The following GK5 variants were observed in gnomAD, a reference collection of about 807,000 sequenced individuals.
GK5 encodes glycerol kinase 5.
Under a neutral mutation model 77.3 loss-of-function variants are expected in GK5, and 39 were observed. That is an observed-to-expected ratio of 0.50 (90% CI 0.39 to 0.66). The LOEUF (loss-of-function observed/expected upper bound fraction) is 0.66. Ranked by LOEUF, GK5 falls within the 30% of genes least tolerant of loss-of-function variation. GK5 has a pLI of 0.00. For synonymous variants in GK5, 211 were observed against 208.0 expected, an observed-to-expected ratio of 1.01 and a Z score of -0.13; for missense variants, 487 against 633.8, an observed-to-expected ratio of 0.77 and a Z score of 2.49.
intron 5 of GK5, among the ~76,000 whole-genome samples, chr3:142,193,084 G>C (rs1175725495): frequency 5.3e-5 from 8 of 152,046 alleles, no homozygotes; most frequent in Non-Finnish European, 1.0e-4. Context: ...TGCAATGGTA[G>C]ATACATTACA....
chr3:142,213,874 G>C (rs1446662041), intron 2 of GK5, among the ~76,000 whole-genome samples: 1 of 152,190 alleles, frequency 6.6e-6, no homozygotes, highest in African/African-American at 2.4e-5. Context: ...CCAGGCTGCA[G>C]TGCAGTGGCA....
intron 12 of GK5, among the ~76,000 whole-genome samples, chr3:142,175,492 C>T (rs2063597015): frequency 6.6e-6 from 1 of 152,112 alleles, no homozygotes; most frequent in African/African-American, 2.4e-5. Context: ...ATACATAAAC[C>T]TTCCTTCCTT....
rs2063430100 is a variant in GK5, at chr3:142,162,108, T to C, written c.*3514A>G. The C allele has an allele frequency of 6.6e-6, 1 of 152,298 alleles. No homozygotes were observed. Among genetic ancestry groups the C allele is most frequent in the East Asian group, 1.9e-4 (1 of 5,180 alleles). The allele number at this position is 152,298 out of a possible 1,614,324, so 9.4% of individuals were successfully genotyped here. A position where few individuals can be genotyped will look rare whatever the true frequency, so the allele number is the denominator to read the frequency against. ...AGCCACTGTGCCCAGCTGAGATTTA[T>C]TTTTTCTTTATTAATCAGCAAAATA... On this transcript the variant is annotated 3_prime_UTR_variant, in exon 16 of 16. Transcript: ENST00000392993.
intron 11 of GK5, 64 bp downstream of exon 11, chr3:142,181,397 A>G (rs2063695533): frequency 4.5e-6 from 4 of 887,556 alleles, no homozygotes; most frequent in Non-Finnish European, 7.1e-6. Context: ...ACTAATCTGC[A>G]ATCCTGTGGC....
At chr3:142,202,394 G>A (rs2064039282) in intron 4 of GK5, among the ~76,000 whole-genome samples, 1 of 152,146 alleles carries the variant, frequency 6.6e-6, no homozygotes, top group Non-Finnish European at 1.5e-5. Flanking sequence ...TAATGACATT[G>A]GTGCCAGTTC....
intron 10 of GK5, 39 bp downstream of exon 10, chr3:142,182,884 A>G (rs755121712): frequency 8.9e-6 from 13 of 1,461,044 alleles, no homozygotes; most frequent in East Asian, 2.3e-5. Flanking sequence ...AACAGAAGTG[A>G]TATTTTATTA....
intron 14 of GK5, among the ~76,000 whole-genome samples, chr3:142,170,798 A>AGCTG (rs1553827468): frequency 6.6e-6 from 1 of 151,902 alleles, no homozygotes; most frequent in Admixed American, 6.6e-5. Context: ...CCCAAAGGAT[A>AGCTG]TACACCCAAA....
At chr3:142,167,252 T>C (rs759968091) in intron 15 of GK5, among the ~76,000 whole-genome samples, 1 of 151,994 alleles carries the variant, frequency 6.6e-6, no homozygotes, top group Non-Finnish European at 1.5e-5. Context: ...CACGCGCCTA[T>C]AGTCTCAGCT....
At chr3:142,195,847 A>C (rs2063925899) in intron 5 of GK5, among the ~76,000 whole-genome samples, 1 of 152,218 alleles carries the variant, frequency 6.6e-6, no homozygotes, top group Non-Finnish European at 1.5e-5. Flanking sequence ...TCCAACTATT[A>C]CTATTCAATT....
At chr3:142,202,337 C>T (rs938367424) in intron 4 of GK5, among the ~76,000 whole-genome samples, 2 of 152,286 alleles carry the variant, frequency 1.3e-5, no homozygotes, top group East Asian at 3.9e-4. Context: ...ATTGCAAACA[C>T]ACCTCAATTA....
chr3:142,187,629 C>A, intron 6 of GK5, 75 bp downstream of exon 6: 60 of 973,640 alleles, frequency 6.2e-5, no homozygotes, highest in Non-Finnish European at 8.1e-5. Context: ...AAAGTAACTT[C>A]TACTTTTTTT....
At chr3:142,187,829 G>A (rs751503588) in intron 5 of GK5, 50 bp from the exon 6 acceptor site, 1 of 1,346,962 alleles carries the variant, frequency 7.4e-7, no homozygotes, top group African/African-American at 1.5e-5. Context: ...AAATTACTAA[G>A]TGCATGATTA....
In GK5 at chr3:142,165,497, T is replaced by C; in HGVS notation, c.*125A>G. On this transcript the variant is annotated 3_prime_UTR_variant, in exon 16 of 16. Transcript: ENST00000392993. ...TTGTTTTTTTAAAAGCAATGCTTCT[T>C]AAGTTATGAAGCTTATTTAAAATTT... The C allele has an allele frequency of 1.5e-6, 1 of 658,370 alleles. No individual in the cohort carries two copies. The highest frequency in any genetic ancestry group is 1.9e-5 in the African/African-American group (1 of 53,634). 40.8% of individuals were successfully genotyped at this position (658,370 alleles called of 1,614,324 possible). A position where few individuals can be genotyped will look rare whatever the true frequency, so the allele number is the denominator to read the frequency against.
In GK5 at chr3:142,177,575, G is replaced by C; in HGVS notation, c.1050C>G (p.Asp350Glu). 1 of 1,597,488 alleles carries C rather than the reference G, an allele frequency of 6.3e-7. No individual in the cohort carries two copies. The highest frequency in any genetic ancestry group is 8.6e-7 in the Non-Finnish European group (1 of 1,169,414). ...CAGTCTCAGCAGCATCTGTGAAAAG[G>C]TCTGCAAAAACAAACAAACAACAAA... is the stretch of plus-strand genomic sequence containing the variant. Reference protein sequence around the residue: ...GTAIKWAQQLDLFTDAAETEK... With the variant: ...GTAIKWAQQLELFTDAAETEK... The change falls in exon 12 of 16, where the codon GAC becomes GAG. Residue 350 changes from aspartate (D) to glutamate (E), a missense_variant and splice_region_variant. Asp to Glu is a conservative substitution (Grantham distance 45, BLOSUM62 2). Transcript: ENST00000392993.
intron 6 of GK5, 102 bp downstream of exon 6, chr3:142,187,602 C>T: frequency 1.3e-6 from 1 of 768,272 alleles, no homozygotes; most frequent in Non-Finnish European, 2.1e-6. Context: ...GAGACCCTAG[C>T]TCAAAAAAAA....
At chr3:142,194,144 G>T (rs2107784415) in intron 5 of GK5, among the ~76,000 whole-genome samples, 1 of 152,252 alleles carries the variant, frequency 6.6e-6, no homozygotes, top group African/African-American at 2.4e-5. Context: ...CAGCACTTTG[G>T]AAGGCTGGGG....
At chr3:142,180,566 T>C (rs1035533961) in intron 11 of GK5, among the ~76,000 whole-genome samples, 2 of 152,182 alleles carry the variant, frequency 1.3e-5, no homozygotes, top group African/African-American at 4.8e-5. Context: ...CCCCGCAAAG[T>C]GCTGGGATTA....
At chr3:142,211,846 G>A (rs1346964124) in intron 3 of GK5, among the ~76,000 whole-genome samples, 1 of 152,152 alleles carries the variant, frequency 6.6e-6, no homozygotes, top group East Asian at 1.9e-4. Context: ...CTATGCCTCA[G>A]TCCAAGTTAA....
intron 1 of GK5, among the ~76,000 whole-genome samples, chr3:142,223,762 T>C (rs1362812932): frequency 2.0e-5 from 3 of 152,102 alleles, no homozygotes; most frequent in Non-Finnish European, 4.4e-5. Flanking sequence ...TGCTTGAACC[T>C]AGGAGGCAGA....
Sources: gnomAD v4.1 joint callset for allele counts (sites outside exome capture counted in the v4.1 genomes callset) on GRCh38, gnomAD v4.1.1 for gene constraint, MANE v1.5 for transcripts, NCBI Gene and HGNC (gene_info 2026-07-23, HGNC 2026-07-21) for gene names.